The following CASK variants were observed in gnomAD, a reference collection of about 807,000 sequenced individuals.
CASK encodes the protein calcium/calmodulin dependent serine protein kinase.
Under a neutral mutation model 82.9 loss-of-function variants are expected in CASK, and 4 were observed. The ratio of observed to expected loss-of-function variants is 0.05; its 90% CI spans 0.02 to 0.11. CASK has a LOEUF of 0.11. Among genes scored for constraint, CASK ranks in the 10% least tolerant of loss-of-function variants. CASK has a pLI of 1.00. For synonymous variants in CASK, 259 were observed against 253.5 expected (o/e 1.02, Z -0.20); for missense variants, 358 against 720.9 (o/e 0.50, Z 5.76).
chrX:41,775,143 AG>A (rs1405998666), intron 3 of CASK, among the ~76,000 whole-genome samples: 1 of 107,461 alleles, frequency 9.3e-6, no homozygotes, highest in Non-Finnish European at 1.9e-5. Flanking sequence ...CATCTGACAA[AG>A]GGCTAATATC....
At chrX:41,591,721 C>T (rs778863566) in intron 12 of CASK, among the ~76,000 whole-genome samples, 87 of 110,223 alleles carry the variant, frequency 7.9e-4, no homozygotes, top group South Asian at 4.4e-3. Context: ...GTGATCCGCC[C>T]GCCTCGGCCT....
chrX:41,830,909 A>G (rs1042278979), intron 2 of CASK, among the ~76,000 whole-genome samples: 28 of 110,680 alleles, frequency 2.5e-4, no homozygotes, highest in African/African-American at 7.6e-4. Context: ...CCTGACCATG[A>G]AAGTGTTACT....
chrX:41,564,923 A>G (rs1441729346), intron 16 of CASK, among the ~76,000 whole-genome samples: 2 of 112,378 alleles, frequency 1.8e-5, no homozygotes, highest in South Asian at 3.7e-4. Flanking sequence ...ACTCAGGATT[A>G]AGAAACTCAT....
chrX:41,907,489 A>G (rs976823483), intron 1 of CASK, among the ~76,000 whole-genome samples: 2 of 112,281 alleles, frequency 1.8e-5, no homozygotes, highest in African/African-American at 6.5e-5. Context: ...GGCTAAGAAC[A>G]GGTACAAAGG....
chrX:41,568,269 A>G (rs1272969658), intron 16 of CASK, among the ~76,000 whole-genome samples: 1 of 111,182 alleles, frequency 9.0e-6, no homozygotes, highest in Non-Finnish European at 1.9e-5. Context: ...AAAAAAAAAG[A>G]AAGAATGATG....
intron 21 of CASK, among the ~76,000 whole-genome samples, chrX:41,545,387 G>T (rs1258577787): frequency 1.8e-5 from 2 of 111,719 alleles, no homozygotes; most frequent in Non-Finnish European, 3.8e-5. Flanking sequence ...CTTCCTAATG[G>T]ATACCCAATT....
chrX:41,727,284 T>C (rs763846678), intron 5 of CASK: 2 of 1,207,171 alleles, frequency 1.7e-6, no homozygotes, highest in Non-Finnish European at 1.1e-6. Context: ...ATCAATCTGC[T>C]CAATGCAGAG....
chrX:41,611,893 G>T (rs2066061285), intron 11 of CASK, among the ~76,000 whole-genome samples: 1 of 111,503 alleles, frequency 9.0e-6, no homozygotes, highest in African/African-American at 3.2e-5. Flanking sequence ...TGGAGACGGG[G>T]TTTCGCTGTG....
intron 26 of CASK, among the ~76,000 whole-genome samples, chrX:41,522,722 A>G (rs951023651): frequency 8.9e-6 from 1 of 112,235 alleles, no homozygotes; most frequent in Non-Finnish European, 1.9e-5. Flanking sequence ...AAGAAAATTT[A>G]TGGCTGAAAG....
intron 5 of CASK, among the ~76,000 whole-genome samples, chrX:41,674,657 A>G (rs979512595): frequency 9.0e-6 from 1 of 111,550 alleles, no homozygotes; most frequent in Admixed American, 9.5e-5. Context: ...TAGTTATATT[A>G]GTAGTATTTT....
chrX:41,878,361 C>T (rs2071873656), intron 1 of CASK, among the ~76,000 whole-genome samples: 1 of 111,146 alleles, frequency 9.0e-6, no homozygotes, highest in African/African-American at 3.3e-5. Context: ...AAGGGTGATG[C>T]CAGTCCAAGG....
At chrX:41,616,180 T>C (rs965723505) in intron 11 of CASK, among the ~76,000 whole-genome samples, 1 of 111,650 alleles carries the variant, frequency 9.0e-6, no homozygotes. Context: ...ACTCTTTTTT[T>C]CCCTTAGCTG....
chrX:41,587,048 A>T, intron 13 of CASK, 61 bp from the exon 14 acceptor site: 1 of 687,826 alleles, frequency 1.5e-6, no homozygotes, highest in Non-Finnish European at 2.3e-6. Flanking sequence ...AAAATGTTAA[A>T]TTCTTTTAAG....
At chrX:41,600,003 TAA>T (rs1200935140) in intron 12 of CASK, among the ~76,000 whole-genome samples, 1 of 111,931 alleles carries the variant, frequency 8.9e-6, no homozygotes, top group Non-Finnish European at 1.9e-5. Context: ...TCTATTTTTT[TAA>T]AGTGTTAAAA....
chrX:41,527,591 C>G (rs1185784770), intron 25 of CASK, among the ~76,000 whole-genome samples: 1 of 111,786 alleles, frequency 8.9e-6, no homozygotes, highest in Non-Finnish European at 1.9e-5. Context: ...GCAGTGACCC[C>G]AGAACCCATC....
At chrX:41,725,909 T>C (rs2068251568) in intron 5 of CASK, among the ~76,000 whole-genome samples, 1 of 111,717 alleles carries the variant, frequency 9.0e-6, no homozygotes, top group East Asian at 2.8e-4. Flanking sequence ...TGGAGTGCAG[T>C]AGAATGATCA....
intron 5 of CASK, among the ~76,000 whole-genome samples, chrX:41,691,840 CAAAAAAA>C (rs397895684): frequency 3.2e-4 from 9 of 28,484 alleles, no homozygotes; most frequent in Admixed American, 6.4e-4. Context: ...GACTCTGTCT[CAAAAAAA>C]AAAAAAAAAA....
chrX:41,578,290 C>A (rs753442925), intron 15 of CASK, 50 bp downstream of exon 15: 1 of 947,609 alleles, frequency 1.1e-6, no homozygotes, highest in Admixed American at 2.2e-5. Context: ...GTTGATATAA[C>A]TCATGCTGGG....
chrX:41,901,825 A>G (rs2072387148), intron 1 of CASK, among the ~76,000 whole-genome samples: 1 of 111,998 alleles, frequency 8.9e-6, no homozygotes, highest in Admixed American at 9.4e-5. Flanking sequence ...TCCTGGGTCC[A>G]TAAAGCTCAA....
Sources: allele counts gnomAD v4.1 joint callset (sites outside exome capture counted in the v4.1 genomes callset), GRCh38; gene constraint gnomAD v4.1.1; transcripts MANE v1.5; gene names NCBI Gene and HGNC (gene_info 2026-07-23, HGNC 2026-07-21).